The following MAST4 variants were observed in gnomAD, a reference collection of about 807,000 sequenced individuals.
The protein encoded by MAST4 is microtubule associated serine/threonine kinase family member 4.
A neutral mutation model predicts 162.7 loss-of-function variants in MAST4; 89 were observed. The ratio of observed to expected loss-of-function variants is 0.55; its 90% CI spans 0.46 to 0.65. The LOEUF is 0.65. Ranked by LOEUF, MAST4 falls within the 30% of genes least tolerant of loss-of-function variation. The pLI is 0.00. For synonymous variants in MAST4, 1,479 were observed against 1,361.1 expected (o/e 1.09, Z -1.91); for missense variants, 3,153 against 3,374.0 (o/e 0.93, Z 1.62).
chr5:67,073,612 G>A (rs990682875), intron 5 of MAST4, among the ~76,000 whole-genome samples: 1 of 152,196 alleles, frequency 6.6e-6, no homozygotes, highest in African/African-American at 2.4e-5. Context: ...AAATCAGTGA[G>A]TTGGACCTGA....
At chr5:66,917,818 G>A (rs1004466403) in intron 4 of MAST4, among the ~76,000 whole-genome samples, 1 of 151,964 alleles carries the variant, frequency 6.6e-6, no homozygotes, top group Admixed American at 6.6e-5. Context: ...ATAATTTCTG[G>A]TAAGTCCTCC....
chr5:66,838,031 G>T (rs1212477401), intron 3 of MAST4, among the ~76,000 whole-genome samples: 7 of 151,200 alleles, frequency 4.6e-5, no homozygotes, highest in Admixed American at 4.6e-4. Context: ...CTGCCTTGGG[G>T]GGCAATTATC....
At chr5:66,767,416 T>C (rs1754151189) in intron 2 of MAST4, among the ~76,000 whole-genome samples, 1 of 152,090 alleles carries the variant, frequency 6.6e-6, no homozygotes. Context: ...CAAGTAGGAC[T>C]GTGGAATCAC....
At chr5:66,626,880 G>A (rs1229195429) in intron 1 of MAST4, among the ~76,000 whole-genome samples, 1 of 152,158 alleles carries the variant, frequency 6.6e-6, no homozygotes, top group East Asian at 1.9e-4. Context: ...GGAGTCTGCT[G>A]GTAGGGAAAG....
chr5:66,925,222 C>T (rs533630995), intron 4 of MAST4, among the ~76,000 whole-genome samples: 11 of 152,288 alleles, frequency 7.2e-5, no homozygotes, highest in Middle Eastern at 3.4e-3. Context: ...AAATTTGCTG[C>T]ATCTTGAAAC....
intron 1 of MAST4, among the ~76,000 whole-genome samples, chr5:66,607,843 G>A (rs1742989630): frequency 3.3e-5 from 5 of 152,054 alleles, no homozygotes; most frequent in Admixed American, 3.3e-4. Context: ...TTTAGGAACT[G>A]TTGATTGACA....
At chr5:67,008,684 A>G (rs2150344669) in intron 4 of MAST4, among the ~76,000 whole-genome samples, 2 of 152,358 alleles carry the variant, frequency 1.3e-5, no homozygotes, top group South Asian at 4.1e-4. Flanking sequence ...TTTGTGACTC[A>G]GTTCATCACT....
chr5:66,768,212 T>A lies in MAST4; in HGVS notation c.517+8350T>A, dbSNP rs1406137215. On this transcript the variant is annotated intron_variant, in intron 2 of 28. Coordinates refer to ENST00000403625, the MANE Select transcript of MAST4 (RefSeq NM_001164664.2). Reference sequence around the variant, plus strand: ...GGAAGGGTATGAAGGGTCAGTGAGATCCATCTTAATGCGGGAGTCAGGAGA... The same window carrying A: ...GGAAGGGTATGAAGGGTCAGTGAGAACCATCTTAATGCGGGAGTCAGGAGA... Among the ~76,000 whole-genome samples, 4 of 152,186 alleles carry A rather than the reference T, an allele frequency of 2.6e-5. No homozygotes were observed. In the East Asian group the frequency reaches 7.7e-4, roughly 29 times the overall value.
intron 10 of MAST4, among the ~76,000 whole-genome samples, chr5:67,107,696 T>C (rs1478359338): frequency 6.6e-6 from 1 of 152,222 alleles, no homozygotes; most frequent in Admixed American, 6.5e-5. Flanking sequence ...TGTCTGTCTT[T>C]TGCATAACCC....
chr5:67,121,141 ACACT>A (rs752838177), intron 14 of MAST4, 39 bp downstream of exon 14: 1 of 1,424,374 alleles, frequency 7.0e-7, no homozygotes, highest in South Asian at 1.2e-5. Context: ...GTATTTCTAC[ACACT>A]CAAGTGATAT....
intron 4 of MAST4, among the ~76,000 whole-genome samples, chr5:66,955,310 C>T (rs1255360505): frequency 6.6e-6 from 1 of 151,396 alleles, no homozygotes. Flanking sequence ...GATGTTTGGA[C>T]ATGTCAGGGG....
At chr5:67,042,184 G>A (rs545371412) in intron 4 of MAST4, among the ~76,000 whole-genome samples, 2 of 152,080 alleles carry the variant, frequency 1.3e-5, no homozygotes, top group Non-Finnish European at 2.9e-5. Flanking sequence ...CCCTGGTTGT[G>A]GGAGCCACTT....
Position 67,165,948 on chromosome 5 carries a change from C to A in MAST4, c.6769C>A (p.Gln2257Lys), listed in dbSNP as rs201422575. ...PDVFPATPGS[Q>K]NKASDGIGQG... The stretch of plus-strand genomic sequence containing the variant: ...TGTGTTTCCTGCTACCCCAGGCTCC[C>A]AGAACAAAGCCAGCGATGGGATTGG... Residue 2257 changes from glutamine to lysine, a missense_variant, in exon 29 of 29, where the codon CAG (glutamine) becomes AAG (lysine). Gln to Lys is a moderately conservative substitution (Grantham distance 53). This residue lies in a region of MAST4 where 1,644 missense variants were observed against 1,495.0 expected (regional missense o/e 1.10). Coordinates refer to ENST00000403625, the MANE Select transcript of MAST4 (RefSeq NM_001164664.2). The A allele has an allele frequency of 4.0e-4, 646 of 1,613,312 alleles. 1 individual carries two copies. The highest frequency in any genetic ancestry group is 5.3e-4 in the Non-Finnish European group (627 of 1,179,840).
chr5:67,024,249 C>A (rs1754339388), intron 4 of MAST4, among the ~76,000 whole-genome samples: 1 of 150,978 alleles, frequency 6.6e-6, no homozygotes, highest in Non-Finnish European at 1.5e-5. Context: ...TTCCTTGTTT[C>A]TGGCTGAACA....
At position 67,098,838 on chromosome 5, in the gene MAST4, A is replaced by G. The variant is rs557208004; in HGVS notation, c.913-1597A>G. Reference sequence around the variant, plus strand: ...TAGAAAGGCAACATCCCTGTTCTGTACATAACAGACCAGCAACAGTGGGGC... The same window carrying G: ...TAGAAAGGCAACATCCCTGTTCTGTGCATAACAGACCAGCAACAGTGGGGC... On this transcript the variant is annotated intron_variant, in intron 7 of 28. Coordinates refer to ENST00000403625, the MANE Select transcript of MAST4 (RefSeq NM_001164664.2). Among the ~76,000 whole-genome samples the G allele has an allele frequency of 1.9e-3, 285 of 152,284 alleles. 1 individual carries two copies. Among genetic ancestry groups the G allele is most frequent in the Non-Finnish European group, 2.7e-3 (186 of 68,004 alleles).
intron 1 of MAST4, among the ~76,000 whole-genome samples, chr5:66,660,020 T>G (rs1222280586): frequency 6.6e-6 from 1 of 151,232 alleles, no homozygotes; most frequent in Admixed American, 6.6e-5. Flanking sequence ...TATCCACAGA[T>G]GGGTATTTTT....
intron 1 of MAST4, among the ~76,000 whole-genome samples, chr5:66,656,838 A>G (rs751819638): frequency 5.3e-5 from 8 of 152,174 alleles, no homozygotes; most frequent in Non-Finnish European, 1.0e-4. Context: ...TTTCTTCTCT[A>G]GTGCCTTGGA....
chr5:66,768,360 G>A (rs1051016751), intron 2 of MAST4, among the ~76,000 whole-genome samples: 1 of 152,034 alleles, frequency 6.6e-6, no homozygotes, highest in African/African-American at 2.4e-5. Context: ...ATAGGAGGAG[G>A]GGCACTTCCC....
chr5:66,807,991 A>G (rs1192843971), intron 3 of MAST4, among the ~76,000 whole-genome samples: 1 of 152,178 alleles, frequency 6.6e-6, no homozygotes, highest in African/African-American at 2.4e-5. Flanking sequence ...TTACTGTGCC[A>G]CCCTGGTCTT....
Sources: gnomAD v4.1 joint callset for allele counts (sites outside exome capture counted in the v4.1 genomes callset) on GRCh38, gnomAD v4.1.1 for gene constraint, gnomAD v4.1.1 regional missense constraint, MANE v1.5 for transcripts, NCBI Gene and HGNC (gene_info 2026-07-23, HGNC 2026-07-21) for gene names.